Variants in ATG9B observed in about 807,000 individuals in gnomAD.
The protein encoded by ATG9B is autophagy related 9B, also known as autophagy-related protein 9B.
Under a neutral mutation model 92.9 loss-of-function variants are expected in ATG9B, and 92 were observed. The observed-to-expected ratio is 0.99, with a 90% CI of 0.84 to 1.18. The LOEUF is 1.18. ATG9B is among the 50% of genes most tolerant of loss of function. The pLI is 0.00. For synonymous variants in ATG9B, 599 were observed against 551.4 expected (o/e 1.09, Z -1.21); for missense variants, 1,344 against 1,235.0 (o/e 1.09, Z -1.32).
chr7:151,018,333 G>C lies in ATG9B; in HGVS notation c.1833C>G (p.Arg611=). 6.3e-7 allele frequency: 1 copy of C among 1,591,970 alleles called. No individual in the cohort carries two copies. Among genetic ancestry groups the C allele is most frequent in the Non-Finnish European group, 8.5e-7 (1 of 1,172,534 alleles). ...GCAGCTGCGCCATCTGCCGGTAGGC[G>C]CGGTCCCTGCCGCCGGGGCCGGGCT... is the stretch of plus-strand genomic sequence containing the variant. ...PEEPGPGGRD[R]AYRQMAQLLQ... Residue 611 remains arginine, a synonymous_variant, in exon 7 of 14, where the codon CGC becomes CGG. Coordinates refer to ENST00000639579, the MANE Select transcript of ATG9B (RefSeq NM_001317056.2). The surrounding 1 kb of genome is among the most constrained non-coding windows in gnomAD (Gnocchi z 4.7).
downstream of ATG9B, chr7:151,013,465 G>C: frequency 2.0e-6 from 3 of 1,491,424 alleles, no homozygotes; most frequent in African/African-American, 1.4e-5. Context: ...CACCAACCAC[G>C]GCCCTCCCGT....
rs374715533 is a variant in ATG9B at position 151,018,010 on chromosome 7, G to T, written c.1913C>A (p.Pro638Gln). The change falls in exon 8 of 14, where the codon CCG becomes CAG. Residue 638 changes from proline to glutamine, a missense_variant. Transcript: ENST00000639579. This position sits in a 1 kb window ranked among gnomAD's most constrained non-coding sequence, Gnocchi z 4.7. Reference sequence around the variant, plus strand: ...GCGGAACCAGAAAAGCAGAAACAGCGGGGTGAGGAGCGGGGACAGGAGCTC... The same window carrying T: ...GCGGAACCAGAAAAGCAGAAACAGCTGGGTGAGGAGCGGGGACAGGAGCTC... ...LEELLSPLLTPLFLLFWFRPR... is the reference protein window; with the variant it reads ...LEELLSPLLTQLFLLFWFRPR... 6.2e-7 allele frequency: 1 copy of T among 1,601,562 alleles called. No individual in the cohort carries two copies. Among genetic ancestry groups the T allele is most frequent in the Non-Finnish European group, 8.5e-7 (1 of 1,173,720 alleles).
downstream of ATG9B, chr7:151,012,569 G>A: frequency 7.0e-7 from 1 of 1,423,106 alleles, no homozygotes; most frequent in Middle Eastern, 1.8e-4. Context: ...GAGAGGGCAG[G>A]AAACAAAGTC....
downstream of ATG9B, chr7:151,014,427 C>CCGCTTCCTGTTTCTTAGT (rs2117145298): frequency 2.1e-6 from 1 of 468,724 alleles, no homozygotes; most frequent in African/African-American, 2.0e-5. Flanking sequence ...CTACTGCCAC[C>CCGCTTCCTGTTTCTTAGT]CGCTTCCTGT....
chr7:151,017,206 A>G lies in ATG9B; in HGVS notation c.2119T>C (p.Ser707Pro). ...QRAEDGKTEL[S>P]LMRFSLAHPL... ...TGCGCCAGGGAGAACCGCATCAAAG[A>G]AAGCTCAGTCTTGCCGTCCTCCGCA... The change falls in exon 9 of 14, where the codon TCT becomes CCT. Residue 707 changes from serine (S) to proline (P), a missense_variant. Ser to Pro is a moderately conservative substitution (Grantham distance 74, BLOSUM62 -1). Coordinates refer to ENST00000639579, the MANE Select transcript of ATG9B (RefSeq NM_001317056.2). The G allele has an allele frequency of 6.2e-7, 1 of 1,612,898 alleles. No homozygotes were observed. Among genetic ancestry groups the G allele is most frequent in the South Asian group, 1.1e-5 (1 of 91,046 alleles).
rs575261571 is a variant in ATG9B at position 151,021,370 on chromosome 7, G to A, written c.822-41C>T. On this transcript the variant is annotated intron_variant, in intron 4 of 13. Transcript: ENST00000639579. ...CGGGCAGTGGGGGAGAAAGGTGGGC[G>A]CCTGAGAAAGAGGCAGACCAGACTT... 2.3e-5 allele frequency: 36 copies of A among 1,535,592 alleles called. No homozygotes were observed. The South Asian group carries it at 2.5e-4, about 11-fold the overall frequency.
chr7:151,015,833 A>T (rs1468406862), intron 13 of ATG9B, 49 bp downstream of exon 13: 1 of 1,514,154 alleles, frequency 6.6e-7, no homozygotes, highest in Non-Finnish European at 8.9e-7. Context: ...CTCCAAACCA[A>T]CTACCTATGC....
intron 4 of ATG9B, among the ~76,000 whole-genome samples, 161 bp from the exon 5 acceptor site, chr7:151,021,490 C>A (rs1224901490): frequency 6.6e-6 from 1 of 151,048 alleles, no homozygotes; most frequent in Non-Finnish European, 1.5e-5. Context: ...GCTGAAGTGG[C>A]CTTCACAAAT....
intron 4 of ATG9B, among the ~76,000 whole-genome samples, chr7:151,021,871 G>A (rs1262604989): frequency 6.6e-6 from 1 of 152,072 alleles, no homozygotes; most frequent in Non-Finnish European, 1.5e-5. Flanking sequence ...GAATGGTTTT[G>A]ATCTCCTGAC....
Position 151,023,188 on chromosome 7 carries a change from G to A in ATG9B, c.678C>T (p.Val226=). ...ATCGAAGGAGGAAGGTTGTGAAGGT[G>A]ACAATGAAAATAAATTGTCTGCCGG... ...VFQLGQFIFI[V]TFTTFLLRCV... is the part of the protein sequence containing the mutation. The change falls in exon 4 of 14, where the codon GTC becomes GTT. Residue 226 remains valine, a synonymous_variant. Coordinates refer to ENST00000639579, the MANE Select transcript of ATG9B (RefSeq NM_001317056.2). The A allele has an allele frequency of 6.2e-7, 1 of 1,614,172 alleles. No individual in the cohort carries two copies. Among genetic ancestry groups the A allele is most frequent in the Non-Finnish European group, 8.5e-7 (1 of 1,180,044 alleles).
rs202120062 is a variant in ATG9B, at chr7:151,017,076, G to A, written c.2249C>T (p.Pro750Leu). 9.7e-4 allele frequency: 1,563 copies of A among 1,607,152 alleles called. 3 individuals are homozygous for A. The highest frequency in any genetic ancestry group is 1.2e-3 in the Non-Finnish European group (1,400 of 1,177,460). Residue 750 changes from proline to leucine, a missense_variant, in exon 9 of 14, where the codon CCC becomes CTC. By Grantham distance (98) the Pro-to-Leu change is moderately conservative (BLOSUM62 -3). Transcript: ENST00000639579. ...AAWGATSARGPSTPGVLSNCT... is the reference protein window; with the variant it reads ...AAWGATSARGLSTPGVLSNCT... ...GTTGCTGAGCACCCCCGGGGTGGAG[G>A]GGCCGCGAGCCGAGGTGGCACCCCA...
chr7:151,013,135 G>C (rs1173176224), downstream of ATG9B: 2 of 1,370,646 alleles, frequency 1.5e-6, no homozygotes, highest in Admixed American at 4.1e-5. Context: ...AGCCCAAAAC[G>C]CTGGGCTGCC....
At chr7:151,012,578 T>C (rs1319462161), downstream of ATG9B, 2 of 1,368,300 alleles carry the variant, frequency 1.5e-6, no homozygotes, top group Non-Finnish European at 2.0e-6. Context: ...GGAAACAAAG[T>C]CCACAAAGCT....
In ATG9B at chr7:151,017,160, C is replaced by T; in HGVS notation, c.2165G>A (p.Gly722Glu). 6.2e-7 allele frequency: 1 copy of T among 1,613,164 alleles called. No homozygotes were observed. Among genetic ancestry groups the T allele is most frequent in the South Asian group, 1.1e-5 (1 of 91,016 alleles). ...SLAHPLWRPP[G>E]HSSKFLGHLW... ...GTGCCCAAGAAACTTAGAGCTGTGC[C>T]CTGGGGGGCGCCAGAGTGGATGCGC... The change falls in exon 9 of 14, where the codon GGG becomes GAG. Residue 722 changes from glycine (G) to glutamate (E), a missense_variant. Transcript: ENST00000639579.
chr7:151,015,811 C>T (rs1323267163), intron 13 of ATG9B, 71 bp downstream of exon 13: 6 of 1,490,236 alleles, frequency 4.0e-6, no homozygotes, highest in Non-Finnish European at 4.5e-6. Context: ...GCTCCCATCG[C>T]TTCAAGTCGG....
chr7:151,023,446 C>T lies in ATG9B; in HGVS notation c.658G>A (p.Gly220Arg), dbSNP rs1341039620. The part of the protein sequence containing the change: ...CILLEDVFQL[G>R]QFIFIVTFTT... ...CCGGGCCCGGGCTAAGCGTCTCACC[C>T]CAGCTGGAAGACATCCTCCAGCAAG... Residue 220 changes from glycine to arginine, a missense_variant and splice_region_variant, in exon 3 of 14, where the codon GGA (glycine) becomes AGA (arginine). Coordinates refer to ENST00000639579, the MANE Select transcript of ATG9B (RefSeq NM_001317056.2). The T allele has an allele frequency of 2.5e-6, 4 of 1,612,902 alleles. No individual in the cohort carries two copies. The highest frequency in any genetic ancestry group is 3.4e-6 in the Non-Finnish European group (4 of 1,179,536).
At chr7:151,012,255 A>T, downstream of ATG9B, 18 of 771,420 alleles carry the variant, frequency 2.3e-5, no homozygotes, top group East Asian at 4.7e-5. Context: ...TTGAGATGGG[A>T]AGAACTTGGG....
At chr7:151,013,772 C>G, downstream of ATG9B, 3 of 1,611,480 alleles carry the variant, frequency 1.9e-6, no homozygotes, top group Non-Finnish European at 2.5e-6. Flanking sequence ...GGAGGTGCAC[C>G]GCGTGCTGTG....
chr7:151,024,282 TC>T lies in ATG9B; in HGVS notation c.141del (p.Ile48SerfsTer58), dbSNP rs1329943937. 4.3e-6 allele frequency: 6 copies of T among 1,409,608 alleles called. No homozygotes were observed. Among genetic ancestry groups the T allele is most frequent in the Non-Finnish European group, 5.6e-6 (6 of 1,076,164 alleles). 87.3% of individuals were successfully genotyped at this position (1,409,608 alleles called of 1,614,324 possible). ...GCAGGGGACAGAGAGAAGATGGAGA[TC>T]CTCCCTCCCCCAGGTCCCCGGCATG... ...PPSCRGPGGG[R>X]ISIFSLSPAP... On this transcript the variant is annotated frameshift_variant, in exon 1 of 14. Transcript: ENST00000639579. LOFTEE classifies it high-confidence loss of function.
Sources: allele counts gnomAD v4.1 joint callset (sites outside exome capture counted in the v4.1 genomes callset), GRCh38; gene constraint gnomAD v4.1.1; non-coding constraint Gnocchi (gnomAD v3.1); transcripts MANE v1.5; gene names NCBI Gene and HGNC (gene_info 2026-07-23, HGNC 2026-07-21).